The following ITM2B variants were observed in gnomAD, a reference collection of about 807,000 sequenced individuals.
The protein encoded by ITM2B is integral membrane protein 2B.
In ITM2B, 11 loss-of-function variants were observed where a neutral mutation model predicts 27.8. That is an observed-to-expected ratio of 0.40 (90% CI 0.25 to 0.66). The LOEUF is 0.66. Ranked by LOEUF, ITM2B falls within the 30% of genes least tolerant of loss-of-function variation. The probability of loss-of-function intolerance (pLI) is 0.43; values close to 1 mark genes in which losing one functional copy is unlikely to be tolerated. For missense variants in ITM2B, 296 were observed against 328.9 expected (o/e 0.90, Z 0.77); for synonymous variants, 114 against 114.3 (o/e 1.00, Z 0.02).
chr13:48,240,704 C>G (rs1451250475), intron 1 of ITM2B, among the ~76,000 whole-genome samples: 1 of 152,076 alleles, frequency 6.6e-6, no homozygotes, highest in Non-Finnish European at 1.5e-5. Flanking sequence ...TTGAGTTTTA[C>G]CAAAGTAATA....
intron 1 of ITM2B, among the ~76,000 whole-genome samples, chr13:48,247,110 G>C (rs1401900977): frequency 1.3e-5 from 2 of 152,212 alleles, no homozygotes; most frequent in Non-Finnish European, 2.9e-5. Flanking sequence ...ACAGGCATGA[G>C]CCACTGCGCT....
intron 1 of ITM2B, among the ~76,000 whole-genome samples, chr13:48,252,841 A>G (rs991581774): frequency 1.3e-5 from 2 of 152,172 alleles, no homozygotes; most frequent in African/African-American, 4.8e-5. Context: ...TTATTGAGTG[A>G]CTACTTATTT....
chr13:48,261,358 C>A lies in ITM2B; in HGVS notation c.*134C>A. 1 of 681,776 alleles carries A rather than the reference C, an allele frequency of 1.5e-6. No individual in the cohort carries two copies. Among genetic ancestry groups the A allele is most frequent in the Non-Finnish European group, 2.6e-6 (1 of 388,530 alleles). The allele number at this position is 681,776 out of a possible 1,614,324, so 42.2% of individuals were successfully genotyped here. On this transcript the variant is annotated 3_prime_UTR_variant, in exon 6 of 6. Transcript: ENST00000647800. ...ACAGGGCTTTACTATCTTTTCATCTCATTAATTCAATTAAAACCATTACCT... is the reference window on the plus strand; with the variant it reads ...ACAGGGCTTTACTATCTTTTCATCTAATTAATTCAATTAAAACCATTACCT...
chr13:48,243,912 A>G (rs1267641458), intron 1 of ITM2B, among the ~76,000 whole-genome samples: 1 of 152,178 alleles, frequency 6.6e-6, no homozygotes, highest in Non-Finnish European at 1.5e-5. Context: ...CAAGTGTGAC[A>G]TGGTGTCTGT....
chr13:48,241,186 T>TC (rs1361953094), intron 1 of ITM2B, among the ~76,000 whole-genome samples: 1 of 152,206 alleles, frequency 6.6e-6, no homozygotes, highest in Non-Finnish European at 1.5e-5. Context: ...CGATCTTAAC[T>TC]CCATGTTTCT....
rs943069096 is a variant in ITM2B at position 48,265,951 on chromosome 13, A to C, written c.*4727A>C. 6.6e-6 allele frequency: 1 copy of C among 152,134 alleles called. No individual in the cohort carries two copies. The highest frequency in any genetic ancestry group is 2.4e-5 in the African/African-American group (1 of 41,434). 9.4% of individuals were successfully genotyped at this position (152,134 alleles called of 1,614,324 possible). A position where few individuals can be genotyped will look rare whatever the true frequency, so the allele number is the denominator to read the frequency against. On this transcript the variant is annotated 3_prime_UTR_variant, in exon 6 of 6. Transcript: ENST00000647800. ...CTTGTTTGGTTAATAGATTTCCACC[A>C]CTAGACTGCTCAATACGTTAGTAGG...
In ITM2B at chr13:48,264,553, C is replaced by A. The variant is rs74074163; in HGVS notation, c.*3329C>A. Reference sequence around the variant, plus strand: ...AGTGAACATTTAGTAGTTTACTAGACATCTTCTCTTCCACCTAGCAAAGAG... The same window carrying A: ...AGTGAACATTTAGTAGTTTACTAGAAATCTTCTCTTCCACCTAGCAAAGAG... On this transcript the variant is annotated 3_prime_UTR_variant, in exon 6 of 6. Transcript: ENST00000647800. 1.8e-4 allele frequency: 28 copies of A among 152,288 alleles called. No homozygotes were observed. The highest frequency in any genetic ancestry group is 6.7e-4 in the African/African-American group (28 of 41,570). 9.4% of individuals were successfully genotyped at this position (152,288 alleles called of 1,614,324 possible). A position where few individuals can be genotyped will look rare whatever the true frequency, so the allele number is the denominator to read the frequency against.
chr13:48,261,464 C>T lies in ITM2B; in HGVS notation c.*240C>T. On this transcript the variant is annotated 3_prime_UTR_variant, in exon 6 of 6. Coordinates refer to ENST00000647800, the MANE Select transcript of ITM2B (RefSeq NM_021999.5). ...TGAAGTCATAGATAATAGTACATGT[C>T]ACCTTAGGTAGTAGGAAGAATTACA... The T allele has an allele frequency of 2.9e-6, 1 of 350,726 alleles. No individual in the cohort carries two copies. The highest frequency in any genetic ancestry group is 5.0e-5 in the East Asian group (1 of 20,186). 21.7% of individuals were successfully genotyped at this position (350,726 alleles called of 1,614,324 possible).
chr13:48,259,195 CTAGT>C (rs901642046), intron 5 of ITM2B, among the ~76,000 whole-genome samples: 1 of 152,212 alleles, frequency 6.6e-6, no homozygotes. Context: ...CATTTTCCAT[CTAGT>C]TAGTCACCCT....
intron 1 of ITM2B, among the ~76,000 whole-genome samples, chr13:48,245,414 AAAG>A (rs1257130400): frequency 2.6e-5 from 4 of 151,906 alleles, no homozygotes; most frequent in Admixed American, 1.3e-4. Flanking sequence ...TATGTAGAAA[AAAG>A]AATAAGAGAT....
rs146553069 is a variant in ITM2B at position 48,261,200 on chromosome 13, C to T, written c.777C>T (p.Ala259=). Residue 259 remains alanine, a synonymous_variant, in exon 6 of 6, where the codon GCC becomes GCT. Coordinates refer to ENST00000647800, the MANE Select transcript of ITM2B (RefSeq NM_021999.5). ...FAIRHFENKF[A]VETLICS ...TTCGGCATTTTGAAAACAAATTTGC[C>T]GTGGAAACTTTAATTTGTTCTTGAA... The T allele has an allele frequency of 4.0e-5, 64 of 1,611,492 alleles. No homozygotes were observed. In the East Asian group the frequency reaches 5.8e-4, roughly 15 times the overall value.
At position 48,261,390 on chromosome 13, in the gene ITM2B, T is replaced by G; in HGVS notation, c.*166T>G. ...TCAATTAAAACCATTACCTTAAAAT[T>G]TTTTTCTTTCGAAGTGTGGTGTCTT... On this transcript the variant is annotated 3_prime_UTR_variant, in exon 6 of 6. Coordinates refer to ENST00000647800, the MANE Select transcript of ITM2B (RefSeq NM_021999.5). 3.5e-6 allele frequency: 2 copies of G among 577,482 alleles called. No homozygotes were observed. The highest frequency in any genetic ancestry group is 6.1e-6 in the Non-Finnish European group (2 of 327,664). The allele number at this position is 577,482 out of a possible 1,614,324, so 35.8% of individuals were successfully genotyped here. A position where few individuals can be genotyped will look rare whatever the true frequency, so the allele number is the denominator to read the frequency against.
chr13:48,254,379 C>T (rs1033003746), intron 2 of ITM2B, among the ~76,000 whole-genome samples: 1 of 152,194 alleles, frequency 6.6e-6, no homozygotes, highest in Non-Finnish European at 1.5e-5. Context: ...GACCATGTCT[C>T]TGCTTCTTTT....
chr13:48,264,096 T>G lies in ITM2B; in HGVS notation c.*2872T>G, dbSNP rs1259047841. The G allele has an allele frequency of 6.6e-6, 1 of 152,168 alleles. No homozygotes were observed. The highest frequency in any genetic ancestry group is 2.4e-5 in the African/African-American group (1 of 41,434). The allele number at this position is 152,168 out of a possible 1,614,324, so 9.4% of individuals were successfully genotyped here. On this transcript the variant is annotated 3_prime_UTR_variant, in exon 6 of 6. Coordinates refer to ENST00000647800, the MANE Select transcript of ITM2B (RefSeq NM_021999.5). ...ATCTTGACAAGTTGTTGGCCGTGATTGCTCTTTTGTGATGCAGGAGTGAGA... is the reference window on the plus strand; with the variant it reads ...ATCTTGACAAGTTGTTGGCCGTGATGGCTCTTTTGTGATGCAGGAGTGAGA...
At position 48,269,217 on chromosome 13, in the gene ITM2B, C is replaced by A. The variant is rs1242418938; in HGVS notation, c.*7993C>A. On this transcript the variant is annotated 3_prime_UTR_variant, in exon 6 of 6. Coordinates refer to ENST00000647800, the MANE Select transcript of ITM2B (RefSeq NM_021999.5). ...ATAAACCTCACATCAAATCCATCAG[C>A]CAATCTGGTGTGCTCTACCTTCAAG... The A allele has an allele frequency of 1.3e-5, 2 of 152,114 alleles. No individual in the cohort carries two copies. The highest frequency in any genetic ancestry group is 4.8e-5 in the African/African-American group (2 of 41,410). 9.4% of individuals were successfully genotyped at this position (152,114 alleles called of 1,614,324 possible).
At chr13:48,243,681 G>A (rs906449433) in intron 1 of ITM2B, among the ~76,000 whole-genome samples, 1 of 151,994 alleles carries the variant, frequency 6.6e-6, no homozygotes, top group South Asian at 2.1e-4. Flanking sequence ...GCCATGTGTG[G>A]TGGTGCACAT....
At chr13:48,251,606 G>A (rs1951756741) in intron 1 of ITM2B, among the ~76,000 whole-genome samples, 6 of 152,126 alleles carry the variant, frequency 3.9e-5, no homozygotes, top group Admixed American at 3.9e-4. Flanking sequence ...GCCAGTTGGG[G>A]CTGCGTATTC....
chr13:48,258,826 G>C lies in ITM2B; in HGVS notation c.594G>C (p.Leu198=), dbSNP rs1243269043. 1 of 1,613,770 alleles carries C rather than the reference G, an allele frequency of 6.2e-7. No individual in the cohort carries two copies. Among genetic ancestry groups the C allele is most frequent in the Non-Finnish European group, 8.5e-7 (1 of 1,179,712 alleles). ...KAGTYLPQSY[L]IHEHMVITDR... Reference sequence around the variant, plus strand: ...GAACCTATTTGCCTCAGTCCTATCTGATTCATGAGCACATGGTTATTACTG... The same window carrying C: ...GAACCTATTTGCCTCAGTCCTATCTCATTCATGAGCACATGGTTATTACTG... The change falls in exon 5 of 6, where the codon CTG becomes CTC. Residue 198 remains leucine (L), a synonymous_variant. Transcript: ENST00000647800.
In ITM2B at chr13:48,253,855, G is replaced by T. The variant is rs1296475113; in HGVS notation, c.165G>T (p.Trp55Cys). ...VPVGQRRAWC[W>C]CMCFGLAFML... is the part of the protein sequence containing the mutation. ...TTGGCCAAAGAAGAGCCTGGTGTTG[G>T]TGCATGTGCTTTGGACTAGCATTTA... The change falls in exon 2 of 6, where the codon TGG becomes TGT. Residue 55 changes from tryptophan to cysteine, a missense_variant. By Grantham distance (215) the Trp-to-Cys change is radical. Transcript: ENST00000647800. The T allele has an allele frequency of 5.0e-6, 8 of 1,613,622 alleles. No homozygotes were observed. Among genetic ancestry groups the T allele is most frequent in the Admixed American group, 1.7e-5 (1 of 60,004 alleles).
Sources: gnomAD v4.1 joint callset for allele counts (sites outside exome capture counted in the v4.1 genomes callset) on GRCh38, gnomAD v4.1.1 for gene constraint, MANE v1.5 for transcripts, NCBI Gene and HGNC (gene_info 2026-07-23, HGNC 2026-07-21) for gene names.